The following ASTN2 variants were observed in gnomAD, a reference collection of about 807,000 sequenced individuals.
The protein encoded by ASTN2 is astrotactin-2.
In ASTN2, 54 loss-of-function variants were observed where a neutral mutation model predicts 139.8. The ratio of observed to expected loss-of-function variants is 0.39; its 90% CI spans 0.31 to 0.48. The LOEUF (loss-of-function observed/expected upper bound fraction) is 0.48, where lower values mean the gene tolerates loss of function less well. Among genes scored for constraint, ASTN2 ranks in the 20% least tolerant of loss-of-function variants. The pLI is 0.95. For missense variants in ASTN2, 1,565 were observed against 1,725.1 expected (o/e 0.91, Z 1.64); for synonymous variants, 756 against 719.5 (o/e 1.05, Z -0.81).
At chr9:117,060,361 A>G (rs1254610790) in intron 5 of ASTN2, among the ~76,000 whole-genome samples, 2 of 64,264 alleles carry the variant, frequency 3.1e-5, no homozygotes, top group African/African-American at 1.8e-4. Flanking sequence ...AAAGAAAGAA[A>G]GAAAGAAAGA....
At chr9:116,886,567 A>G (rs1310079440) in intron 10 of ASTN2, among the ~76,000 whole-genome samples, 1 of 151,884 alleles carries the variant, frequency 6.6e-6, no homozygotes, top group African/African-American at 2.4e-5. Context: ...GGGTTTTACT[A>G]TGTTGTCCAG....
intron 19 of ASTN2, among the ~76,000 whole-genome samples, chr9:116,564,912 G>A (rs895659164): frequency 4.6e-5 from 7 of 152,008 alleles, no homozygotes; most frequent in Admixed American, 4.6e-4. Context: ...GGGATATGAT[G>A]AGAGTTATCT....
chr9:116,574,399 C>A (rs62576101), intron 19 of ASTN2, among the ~76,000 whole-genome samples: 1 of 152,060 alleles, frequency 6.6e-6, no homozygotes, highest in African/African-American at 2.4e-5. Context: ...AAGGCCAGTG[C>A]CAGGCCCCAG....
At chr9:116,490,303 A>AAAAAAAAAAAAAAAAAAAAAG (rs1564314423) in intron 19 of ASTN2, among the ~76,000 whole-genome samples, 4 of 104,516 alleles carry the variant, frequency 3.8e-5, no homozygotes, top group South Asian at 7.0e-4. Context: ...AAAAAAAAAA[A>AAAAAAAAAAAAAAAAAAAAAG]GGGGGCATTG....
intron 10 of ASTN2, among the ~76,000 whole-genome samples, chr9:116,890,031 CT>C (rs2132386591): frequency 6.6e-6 from 1 of 152,274 alleles, no homozygotes; most frequent in South Asian, 2.1e-4. Flanking sequence ...CCAGATAATG[CT>C]AAAGCTCATT....
At chr9:117,277,644 A>G (rs76294188) in intron 2 of ASTN2, among the ~76,000 whole-genome samples, 2,333 of 152,284 alleles carry the variant, frequency 0.015, 27 homozygotes, top group Middle Eastern at 0.027. Flanking sequence ...GGAGAAAATA[A>G]TATCAGGCAA....
At chr9:117,092,389 G>C (rs971988316) in intron 5 of ASTN2, among the ~76,000 whole-genome samples, 14 of 152,134 alleles carry the variant, frequency 9.2e-5, no homozygotes, top group Non-Finnish European at 2.1e-4. Flanking sequence ...GAAAAAGTGA[G>C]ACTCAGAGAC....
chr9:116,454,894 T>TG, intron 20 of ASTN2, among the ~76,000 whole-genome samples: 1 of 151,956 alleles, frequency 6.6e-6, no homozygotes, highest in Admixed American at 6.6e-5. Flanking sequence ...TGTCGTGGTG[T>TG]GGGGGAAGAG....
intron 10 of ASTN2, among the ~76,000 whole-genome samples, chr9:116,871,274 T>G (rs1336582793): frequency 6.6e-6 from 1 of 151,946 alleles, no homozygotes; most frequent in Non-Finnish European, 1.5e-5. Flanking sequence ...AATAAATAAA[T>G]AAAATAAAAT....
chr9:116,677,454 T>A (rs1859578532), intron 16 of ASTN2, among the ~76,000 whole-genome samples: 1 of 152,200 alleles, frequency 6.6e-6, no homozygotes, highest in Admixed American at 6.5e-5. Flanking sequence ...TACTTGGCAT[T>A]ATGAGAGAGC....
intron 13 of ASTN2, among the ~76,000 whole-genome samples, chr9:116,772,264 T>TG (rs1359798336): frequency 6.6e-6 from 1 of 152,148 alleles, no homozygotes; most frequent in Non-Finnish European, 1.5e-5. Context: ...AATTGAATTA[T>TG]GGGGGTGGGT....
intron 10 of ASTN2, among the ~76,000 whole-genome samples, chr9:116,871,388 G>C (rs1177348704): frequency 6.6e-6 from 1 of 152,078 alleles, no homozygotes; most frequent in East Asian, 1.9e-4. Context: ...GTTTAAGCAG[G>C]GTACAGTTTA....
chr9:116,519,463 A>G (rs1850780744), intron 19 of ASTN2, among the ~76,000 whole-genome samples: 1 of 152,096 alleles, frequency 6.6e-6, no homozygotes, highest in Admixed American at 6.6e-5. Flanking sequence ...GAACTGAATG[A>G]TAATATTGAC....
intron 2 of ASTN2, among the ~76,000 whole-genome samples, chr9:117,230,782 T>C: frequency 6.6e-6 from 1 of 152,180 alleles, no homozygotes; most frequent in Non-Finnish European, 1.5e-5. Flanking sequence ...GGACAGTGCA[T>C]GCATCATGGA....
At chr9:116,495,602 G>A (rs1849644474) in intron 19 of ASTN2, among the ~76,000 whole-genome samples, 1 of 152,118 alleles carries the variant, frequency 6.6e-6, no homozygotes, top group South Asian at 2.1e-4. Context: ...TCTGTTCCTT[G>A]CAATCAGGAG....
At chr9:116,615,426 G>A (rs1025396155) in intron 19 of ASTN2, among the ~76,000 whole-genome samples, 6 of 152,046 alleles carry the variant, frequency 3.9e-5, no homozygotes, top group African/African-American at 1.2e-4. Context: ...ACGTGCACAC[G>A]TATGTTTATT....
chr9:117,289,132 C>A (rs1005069329), intron 2 of ASTN2, among the ~76,000 whole-genome samples: 6 of 152,110 alleles, frequency 3.9e-5, no homozygotes, highest in Non-Finnish European at 2.9e-5. Context: ...AGGAAGAACA[C>A]CCTGGGGTTC....
At chr9:116,960,956 C>A (rs1408297722) in intron 10 of ASTN2, among the ~76,000 whole-genome samples, 2 of 152,078 alleles carry the variant, frequency 1.3e-5, no homozygotes, top group African/African-American at 4.8e-5. Flanking sequence ...TGCCCCATTT[C>A]AATACAGTTA....
At chr9:117,150,901 C>T (rs1024016946) in intron 3 of ASTN2, among the ~76,000 whole-genome samples, 1 of 152,086 alleles carries the variant, frequency 6.6e-6, no homozygotes, top group Non-Finnish European at 1.5e-5. Flanking sequence ...TTGGGCCTCA[C>T]TATATTGCCC....
Sources: gnomAD v4.1 joint callset for allele counts (sites outside exome capture counted in the v4.1 genomes callset) on GRCh38, gnomAD v4.1.1 for gene constraint, MANE v1.5 for transcripts, NCBI Gene and HGNC (gene_info 2026-07-23, HGNC 2026-07-21) for gene names.